The following GALNT1 variants were observed in gnomAD, a reference collection of about 807,000 sequenced individuals.
GALNT1 encodes GalNAc transferase 1.
A neutral mutation model predicts 65.7 loss-of-function variants in GALNT1; 17 were observed. The ratio of observed to expected loss-of-function variants is 0.26; its 90% CI spans 0.18 to 0.39. The LOEUF (loss-of-function observed/expected upper bound fraction) is 0.39. Among genes scored for constraint, GALNT1 ranks in the 10% least tolerant of loss-of-function variants. The pLI, the probability that GALNT1 is intolerant of heterozygous loss-of-function variation, is 1.00. For missense variants in GALNT1, 460 were observed against 672.8 expected (o/e 0.68, Z 3.50); for synonymous variants, 210 against 219.7 (o/e 0.96, Z 0.39).
At chr18:35,633,643 T>C (rs34526877) in intron 1 of GALNT1, among the ~76,000 whole-genome samples, 15,615 of 152,126 alleles carry the variant, frequency 0.1, 881 homozygotes, top group Admixed American at 0.18. Context: ...TGTATACATA[T>C]GTAACAAACC....
chr18:35,586,861 C>A (rs1490968236), intron 1 of GALNT1, among the ~76,000 whole-genome samples: 1 of 152,016 alleles, frequency 6.6e-6, no homozygotes, highest in East Asian at 1.9e-4. Flanking sequence ...TTTATATCTA[C>A]AAAAAAGGTC....
chr18:35,649,084 T>A (rs2047275382), intron 1 of GALNT1, among the ~76,000 whole-genome samples: 1 of 152,220 alleles, frequency 6.6e-6, no homozygotes, highest in Non-Finnish European at 1.5e-5. Flanking sequence ...TATGTTTTCC[T>A]TTCTCCTGAA....
Position 35,663,736 on chromosome 18 carries a change from A to G in GALNT1, c.248A>G (p.Gln83Arg), listed in dbSNP as rs2047508457. ...ATGAAAGAGATGTTTAAAATCAATC[A>G]GTTCAATTTAATGGCAAGTGAGATG... ...EKMKEMFKIN[Q>R]FNLMASEMIA... Residue 83 changes from glutamine (Q) to arginine (R), a missense_variant, in exon 3 of 12, where the codon CAG becomes CGG. By Grantham distance (43) the Gln-to-Arg change is conservative. Coordinates refer to ENST00000269195, the MANE Select transcript of GALNT1 (RefSeq NM_020474.4). 1 of 1,613,924 alleles carries G rather than the reference A, an allele frequency of 6.2e-7. No homozygotes were observed. The highest frequency in any genetic ancestry group is 2.2e-5 in the East Asian group (1 of 44,872).
chr18:35,676,086 G>A (rs1407678008), intron 3 of GALNT1, among the ~76,000 whole-genome samples: 1 of 152,026 alleles, frequency 6.6e-6, no homozygotes, highest in Non-Finnish European at 1.5e-5. Context: ...TAGTCTTTTG[G>A]GCCACACCTC....
intron 3 of GALNT1, among the ~76,000 whole-genome samples, chr18:35,666,171 G>A (rs1001254841): frequency 6.6e-6 from 1 of 152,146 alleles, no homozygotes; most frequent in African/African-American, 2.4e-5. Flanking sequence ...AAAATTAAAT[G>A]AGCATTACCT....
At chr18:35,597,485 G>A (rs746496236) in intron 1 of GALNT1, 1 of 152,126 alleles carries the variant, frequency 6.6e-6, no homozygotes, top group Non-Finnish European at 1.5e-5. Flanking sequence ...ACTTATATAA[G>A]ACAAATAATG....
intron 1 of GALNT1, among the ~76,000 whole-genome samples, chr18:35,591,083 T>C (rs2046438017): frequency 6.6e-6 from 1 of 151,974 alleles, no homozygotes; most frequent in African/African-American, 2.4e-5. Flanking sequence ...ATTGAGAAAG[T>C]AGAGGGAAGA....
intron 1 of GALNT1, among the ~76,000 whole-genome samples, chr18:35,626,411 T>A (rs1420890640): frequency 6.6e-6 from 1 of 152,230 alleles, no homozygotes; most frequent in African/African-American, 2.4e-5. Flanking sequence ...TTCTAGTTTG[T>A]AGCTCTTAAA....
At chr18:35,693,598 T>C (rs993879361) in intron 9 of GALNT1, among the ~76,000 whole-genome samples, 4 of 152,150 alleles carry the variant, frequency 2.6e-5, no homozygotes, top group Admixed American at 2.0e-4. Flanking sequence ...CTGGTTTCTA[T>C]CAAGCTTGAG....
chr18:35,659,687 T>G (rs190946764), intron 2 of GALNT1, among the ~76,000 whole-genome samples: 9 of 152,334 alleles, frequency 5.9e-5, no homozygotes, highest in Admixed American at 4.6e-4. Context: ...ATTAATGATT[T>G]AACTTTTCAT....
chr18:35,644,649 T>C (rs2047206513), intron 1 of GALNT1, among the ~76,000 whole-genome samples: 1 of 152,230 alleles, frequency 6.6e-6, no homozygotes, highest in Admixed American at 6.5e-5. Context: ...TTCACACTTG[T>C]ATGGATTTGT....
intron 1 of GALNT1, among the ~76,000 whole-genome samples, chr18:35,591,175 A>G (rs2046439405): frequency 6.6e-6 from 1 of 152,204 alleles, no homozygotes; most frequent in Non-Finnish European, 1.5e-5. Context: ...ATTTCATTGC[A>G]TGAGATGTAT....
intron 4 of GALNT1, among the ~76,000 whole-genome samples, chr18:35,682,908 TAAAAAAA>T (rs34199709): frequency 1.7e-5 from 2 of 118,486 alleles, no homozygotes; most frequent in African/African-American, 3.2e-5. Context: ...GCCCCCTGAT[TAAAAAAA>T]AAAAAAAAAA....
rs115811662 is a variant in GALNT1 at position 35,671,325 on chromosome 18, T to C, written c.315-6266T>C. Among the ~76,000 whole-genome samples the C allele has an allele frequency of 6.3e-3, 954 of 152,254 alleles. 10 individuals carry two copies. Among genetic ancestry groups the C allele is most frequent in the African/African-American group, 0.021 (881 of 41,566 alleles). Reference sequence around the variant, plus strand: ...TCAACCTCCTGGGCTCAAACAATCATCCGACCTCAGCCTCCCGAGTAACAA... The same window carrying C: ...TCAACCTCCTGGGCTCAAACAATCACCCGACCTCAGCCTCCCGAGTAACAA... On this transcript the variant is annotated intron_variant, in intron 3 of 11. Transcript: ENST00000269195.
rs150211625 is a variant in GALNT1, at chr18:35,616,355, G to A, written c.-104+34493G>A. 1.6e-4 allele frequency among the ~76,000 whole-genome samples: 25 copies of A among 152,238 alleles called. No individual in the cohort carries two copies. The East Asian group carries it at 4.3e-3, about 26-fold the overall frequency. On this transcript the variant is annotated intron_variant, in intron 1 of 11. Coordinates refer to ENST00000269195, the MANE Select transcript of GALNT1 (RefSeq NM_020474.4). ...TATCTGTAAGATGGTGTGCATAATA[G>A]TACCTGGCTTACTGGGTTGTTGGGA...
In GALNT1 at chr18:35,710,784, GTTCT is replaced by G. The variant is rs1045155201; in HGVS notation, c.*1017_*1020del. 1.3e-5 allele frequency: 2 copies of G among 152,528 alleles called. No homozygotes were observed. The highest frequency in any genetic ancestry group is 4.8e-5 in the African/African-American group (2 of 41,396). The allele number at this position is 152,528 out of a possible 1,614,324, so 9.4% of individuals were successfully genotyped here. A position where few individuals can be genotyped will look rare whatever the true frequency, so the allele number is the denominator to read the frequency against. ...TTGTTTTCACAGCAATAAATCTTCAGTTCTTTGTTTATGATTCCACTTAACAAAA... is the reference window on the plus strand; with the variant it reads ...TTGTTTTCACAGCAATAAATCTTCAGTTGTTTATGATTCCACTTAACAAAA... On this transcript the variant is annotated 3_prime_UTR_variant, in exon 12 of 12. Transcript: ENST00000269195.
intron 5 of GALNT1, among the ~76,000 whole-genome samples, chr18:35,685,724 A>G (rs1249625071): frequency 1.3e-5 from 2 of 152,254 alleles, no homozygotes; most frequent in Admixed American, 6.5e-5. Flanking sequence ...TATACATAAA[A>G]TAATAGAAAC....
chr18:35,631,431 TA>T (rs1411844637), intron 1 of GALNT1, among the ~76,000 whole-genome samples: 1 of 152,154 alleles, frequency 6.6e-6, no homozygotes, highest in East Asian at 1.9e-4. Flanking sequence ...TAATCCAGCA[TA>T]TAAACAGAAC....
At chr18:35,629,662 C>A (rs1351117283) in intron 1 of GALNT1, among the ~76,000 whole-genome samples, 1 of 152,174 alleles carries the variant, frequency 6.6e-6, no homozygotes, top group Non-Finnish European at 1.5e-5. Flanking sequence ...CATCAACTAA[C>A]TAGCAAAATA....
Sources: allele counts gnomAD v4.1 joint callset (sites outside exome capture counted in the v4.1 genomes callset), GRCh38; gene constraint gnomAD v4.1.1; transcripts MANE v1.5; gene names NCBI Gene and HGNC (gene_info 2026-07-23, HGNC 2026-07-21).